POU2F2: variants seen among roughly 807,000 people sequenced by gnomAD.
POU2F2 encodes the protein POU class 2 homeobox 2, also known as POU domain, class 2, transcription factor 2.
POU2F2 carries 14 observed loss-of-function variants against 63.5 expected under a neutral mutation model. The observed-to-expected ratio is 0.22, with a 90% CI of 0.15 to 0.34. POU2F2 has a LOEUF of 0.34. Among genes scored for constraint, POU2F2 ranks in the 10% least tolerant of loss-of-function variants. POU2F2 has a pLI of 1.00. For synonymous variants in POU2F2, 306 were observed against 348.6 expected (o/e 0.88, Z 1.36); for missense variants, 607 against 815.2 (o/e 0.74, Z 3.11).
chr19:42,141,937 A>G (rs527683751), intron 2 of POU2F2, among the ~76,000 whole-genome samples: 1 of 152,346 alleles, frequency 6.6e-6, no homozygotes, highest in East Asian at 1.9e-4. Context: ...ATTCATACTC[A>G]GGAATACTAT....
chr19:42,172,936 G>A (rs1402896106), intron 1 of POU2F2, among the ~76,000 whole-genome samples: 3 of 152,176 alleles, frequency 2.0e-5, no homozygotes, highest in Admixed American at 2.0e-4. Context: ...GACCTATAAG[G>A]ACAGACAAGG....
At chr19:42,122,237 T>C in intron 3 of POU2F2, 55 bp from the exon 4 acceptor site, 1 of 1,584,804 alleles carries the variant, frequency 6.3e-7, no homozygotes, top group Non-Finnish European at 8.6e-7. Flanking sequence ...AAGCAGCTTC[T>C]GACCACCCCC....
At chr19:42,164,494 C>G (rs1235303686) in intron 1 of POU2F2, among the ~76,000 whole-genome samples, 1 of 151,748 alleles carries the variant, frequency 6.6e-6, no homozygotes, top group Non-Finnish European at 1.5e-5. Flanking sequence ...TCGCTTGAAC[C>G]TGGGAGGCAG....
chr19:42,179,100 T>C (rs1455195985), upstream of POU2F2, among the ~76,000 whole-genome samples: 1 of 150,646 alleles, frequency 6.6e-6, no homozygotes, highest in Non-Finnish European at 1.5e-5. Flanking sequence ...AGGCTGGGGA[T>C]GGGGGGCAGA....
At position 42,156,030 on chromosome 19, in the gene POU2F2, C is replaced by G. The variant is rs562884746; in HGVS notation, c.-9+4302G>C. 1.1e-4 allele frequency: 17 copies of G among 152,348 alleles called. No individual in the cohort carries two copies. The highest frequency in any genetic ancestry group is 4.1e-4 in the African/African-American group (17 of 41,556). 9.4% of individuals were successfully genotyped at this position (152,348 alleles called of 1,614,324 possible). On this transcript the variant is annotated intron_variant, in intron 2 of 6. Transcript: ENST00000524801. The surrounding 1 kb of genome is among the most constrained non-coding windows in gnomAD (Gnocchi z 4.1). ...GATTTCTAACAAGCGCAGCTGAAAA[C>G]ACCCAGGGCCGTTCTCTGAGGCCTT... is the stretch of plus-strand genomic sequence containing the variant.
chr19:42,100,085 CTTTTT>C (rs948283094), intron 5 of POU2F2, among the ~76,000 whole-genome samples: 15 of 77,072 alleles, frequency 1.9e-4, no homozygotes, highest in Non-Finnish European at 3.8e-4. Context: ...CCCTTTCTTT[CTTTTT>C]TTTTTTTTTT....
rs1008297445 is a variant in POU2F2, at chr19:42,117,237, C to A, written c.369+13G>T. 1 of 1,470,934 alleles carries A rather than the reference C, an allele frequency of 6.8e-7. No individual in the cohort carries two copies. The highest frequency in any genetic ancestry group is 1.5e-5 in the African/African-American group (1 of 67,846). The allele number at this position is 1,470,934 out of a possible 1,614,324, so 91.1% of individuals were successfully genotyped here. A position where few individuals can be genotyped will look rare whatever the true frequency, so the allele number is the denominator to read the frequency against. ...GTTTGTCCCCTCGTCCCCATCCTTC[C>A]CCAAGTACTTACCCCAGCTAGCTGG... On this transcript the variant is annotated intron_variant, in intron 5 of 14. Transcript: ENST00000692977. The surrounding 1 kb of genome is among the most constrained non-coding windows in gnomAD (Gnocchi z 4.4).
chr19:42,176,615 C>T (rs954727855), upstream of POU2F2, among the ~76,000 whole-genome samples: 1 of 152,136 alleles, frequency 6.6e-6, no homozygotes, highest in Non-Finnish European at 1.5e-5. Context: ...TTTTTCCTCT[C>T]CCTCTTCACC....
upstream of POU2F2, among the ~76,000 whole-genome samples, chr19:42,197,294 CCA>C (rs1242823291): frequency 1.4e-4 from 22 of 152,172 alleles, no homozygotes; most frequent in African/African-American, 1.7e-4. Context: ...GTTTAAAATC[CCA>C]CAGTGTGGCT....
intron 4 of POU2F2, among the ~76,000 whole-genome samples, chr19:42,118,021 C>T (rs2032149554): frequency 6.6e-6 from 1 of 152,074 alleles, no homozygotes; most frequent in Non-Finnish European, 1.5e-5. Flanking sequence ...ACCTCCCAGG[C>T]TCAAGCAATC....
At chr19:42,168,862 C>T (rs1193304538) in intron 1 of POU2F2, among the ~76,000 whole-genome samples, 1 of 152,190 alleles carries the variant, frequency 6.6e-6, no homozygotes, top group Non-Finnish European at 1.5e-5. Context: ...TACACCTAGC[C>T]TACCAATCTA....
intron 12 of POU2F2, chr19:42,093,405 G>A (rs1012832348): frequency 1.9e-5 from 3 of 154,752 alleles, no homozygotes; most frequent in African/African-American, 7.2e-5. Context: ...ACAAGACTAT[G>A]TATGTATGCA....
rs887486647 is a variant in POU2F2, at chr19:42,092,871, T to A, written c.1265-601A>T. On this transcript the variant is annotated intron_variant, in intron 12 of 14. Coordinates refer to ENST00000692977, the MANE Select transcript of POU2F2 (RefSeq NM_001394376.1). This position sits in a 1 kb window ranked among gnomAD's most constrained non-coding sequence, Gnocchi z 5.0. ...TTTAGTACAGTGCCAGGCAAGCACT[T>A]ACTACTTTATAAATCTCCACTTACT... Among the ~76,000 whole-genome samples the A allele has an allele frequency of 2.0e-5, 3 of 151,250 alleles. No individual in the cohort carries two copies. The highest frequency in any genetic ancestry group is 4.4e-5 in the Non-Finnish European group (3 of 67,832).
intron 1 of POU2F2, among the ~76,000 whole-genome samples, chr19:42,171,185 G>A (rs544039197): frequency 1.7e-4 from 26 of 152,370 alleles, no homozygotes; most frequent in African/African-American, 6.0e-4. Flanking sequence ...GCTGGCCACA[G>A]TAGTTCTGGT....
chr19:42,136,813 C>A (rs181976541), upstream of POU2F2: 1 of 152,434 alleles, frequency 6.6e-6, no homozygotes, highest in Non-Finnish European at 1.5e-5. Context: ...CAGTCCAACG[C>A]CCACAGCCTT....
rs1244913376 is a variant in POU2F2 at position 42,122,543 on chromosome 19, T to C, written c.62A>G (p.Lys21Arg). The C allele has an allele frequency of 3.7e-6, 6 of 1,604,828 alleles. No individual in the cohort carries two copies. Among genetic ancestry groups the C allele is most frequent in the Non-Finnish European group, 4.3e-6 (5 of 1,175,704 alleles). ...CTCTGATGGGGAGTCCAGACCTTGC[T>C]TCTCGGCCTCCAGGGGCTTAGACAT... ...IRMSKPLEAE[K>R]QGLDSPSEHT... The change falls in exon 2 of 15, where the codon AAG becomes AGG. Residue 21 changes from lysine to arginine, a missense_variant. Physicochemically the swap from Lys to Arg is conservative, Grantham distance 26. This residue lies in a region of POU2F2 where 224 missense variants were observed against 264.3 expected (regional missense o/e 0.85). Coordinates refer to ENST00000692977, the MANE Select transcript of POU2F2 (RefSeq NM_001394376.1).
upstream of POU2F2, chr19:42,137,023 A>G (rs1162006338): frequency 6.6e-6 from 1 of 152,212 alleles, no homozygotes; most frequent in Non-Finnish European, 1.5e-5. Context: ...ACAGTCTGAG[A>G]GGAAGACTGG....
At chr19:42,196,937 G>T (rs1222325256), upstream of POU2F2, among the ~76,000 whole-genome samples, 1 of 152,252 alleles carries the variant, frequency 6.6e-6, no homozygotes, top group Admixed American at 6.5e-5. Flanking sequence ...AGAATGGGGT[G>T]GGGCCAATGA....
chr19:42,101,860 C>A (rs1418600206), intron 5 of POU2F2, among the ~76,000 whole-genome samples: 1 of 152,024 alleles, frequency 6.6e-6, no homozygotes, highest in East Asian at 1.9e-4. Context: ...GCCTGTAATC[C>A]CAGCTGCTTG....
Sources: allele counts gnomAD v4.1 joint callset (sites outside exome capture counted in the v4.1 genomes callset), GRCh38; gene constraint gnomAD v4.1.1; regional missense constraint gnomAD v4.1.1; non-coding constraint Gnocchi (gnomAD v3.1); transcripts MANE v1.5; gene names NCBI Gene and HGNC (gene_info 2026-07-23, HGNC 2026-07-21).